The following STXBP5L variants were observed in gnomAD, a reference collection of about 807,000 sequenced individuals.
The protein encoded by STXBP5L is syntaxin-binding protein 5-like.
Under a neutral mutation model 144.5 loss-of-function variants are expected in STXBP5L, and 65 were observed. That is an observed-to-expected ratio of 0.45 (90% CI 0.37 to 0.55). The LOEUF is 0.55. Ranked by LOEUF, STXBP5L falls within the 20% of genes least tolerant of loss-of-function variation. STXBP5L has a pLI of 0.00. For missense variants in STXBP5L, 1,298 were observed against 1,405.5 expected (o/e 0.92, Z 1.22); for synonymous variants, 505 against 469.6 (o/e 1.08, Z -0.97).
intron 3 of STXBP5L, among the ~76,000 whole-genome samples, chr3:120,961,903 A>T (rs954899291): frequency 6.6e-6 from 1 of 151,972 alleles, no homozygotes; most frequent in Non-Finnish European, 1.5e-5. Context: ...GTGTAAATGC[A>T]TTCCTATTTC....
At chr3:121,143,171 C>T (rs1251061295) in intron 7 of STXBP5L, among the ~76,000 whole-genome samples, 1 of 151,124 alleles carries the variant, frequency 6.6e-6, no homozygotes, top group Non-Finnish European at 1.5e-5. Flanking sequence ...AGAAACAGAA[C>T]GTCTAAGAAC....
chr3:121,136,106 C>A (rs899391347), intron 7 of STXBP5L, among the ~76,000 whole-genome samples: 2 of 152,178 alleles, frequency 1.3e-5, no homozygotes, highest in African/African-American at 4.8e-5. Flanking sequence ...GTGCCATTCT[C>A]ATCTTAGTAG....
intron 15 of STXBP5L, among the ~76,000 whole-genome samples, chr3:121,253,809 T>G (rs74434277): frequency 9.8e-6 from 1 of 102,404 alleles, no homozygotes; most frequent in Non-Finnish European, 1.9e-5. Context: ...TTTTTTTTTT[T>G]CTTTTTTTTT....
chr3:121,067,545 G>T (rs2041605496), intron 5 of STXBP5L, among the ~76,000 whole-genome samples: 1 of 152,092 alleles, frequency 6.6e-6, no homozygotes, highest in Non-Finnish European at 1.5e-5. Context: ...TCAGCACATG[G>T]ACAATTTTAG....
chr3:120,962,804 C>T (rs1939023750), intron 3 of STXBP5L, among the ~76,000 whole-genome samples: 1 of 152,168 alleles, frequency 6.6e-6, no homozygotes. Context: ...TTTTCCAATT[C>T]TGTGAAGAAA....
chr3:121,397,497 A>G (rs1485877349), intron 22 of STXBP5L, among the ~76,000 whole-genome samples: 1 of 152,192 alleles, frequency 6.6e-6, no homozygotes, highest in Non-Finnish European at 1.5e-5. Flanking sequence ...AAATTGGCTT[A>G]TCTGTTAATC....
At chr3:120,978,748 G>A (rs933645728) in intron 3 of STXBP5L, among the ~76,000 whole-genome samples, 19 of 152,280 alleles carry the variant, frequency 1.2e-4, no homozygotes, top group Middle Eastern at 3.4e-3. Context: ...CTGTTTGTTA[G>A]TTTTCCTTCT....
At position 121,114,907 on chromosome 3, in the gene STXBP5L, T is replaced by A. The variant is rs2107827898; in HGVS notation, c.471-18T>A. On this transcript the variant is annotated intron_variant, in intron 5 of 26. Coordinates refer to ENST00000471454, the MANE Select transcript of STXBP5L (RefSeq NM_001308330.2). ...ATGTAAAATTTAGATATTTTAATTA[T>A]AATTTTCTTTCTTTCAGAATTACTT... The A allele has an allele frequency of 3.4e-6, 5 of 1,453,012 alleles. No individual in the cohort carries two copies. Among genetic ancestry groups the A allele is most frequent in the East Asian group, 2.6e-5 (1 of 38,788 alleles). The allele number at this position is 1,453,012 out of a possible 1,614,324, so 90.0% of individuals were successfully genotyped here. A position where few individuals can be genotyped will look rare whatever the true frequency, so the allele number is the denominator to read the frequency against.
intron 22 of STXBP5L, among the ~76,000 whole-genome samples, chr3:121,389,900 G>A (rs550837620): frequency 8.5e-5 from 13 of 152,254 alleles, no homozygotes; most frequent in African/African-American, 1.9e-4. Context: ...TGTCTATTAC[G>A]TCTGCTTGTT....
chr3:121,090,058 C>A (rs964339915), intron 5 of STXBP5L, among the ~76,000 whole-genome samples: 1 of 152,092 alleles, frequency 6.6e-6, no homozygotes. Context: ...TGTCATCTTG[C>A]TGCTAGTAAC....
chr3:121,180,452 C>G (rs915924698), intron 9 of STXBP5L, among the ~76,000 whole-genome samples: 2 of 152,164 alleles, frequency 1.3e-5, no homozygotes, highest in South Asian at 2.1e-4. Context: ...AATCTTGAAA[C>G]AAAACCTCAA....
At chr3:120,931,948 C>T (rs1709963275) in intron 2 of STXBP5L, among the ~76,000 whole-genome samples, 1 of 152,184 alleles carries the variant, frequency 6.6e-6, no homozygotes, top group African/African-American at 2.4e-5. Flanking sequence ...ACAATTTGGT[C>T]ATTGTGTGAA....
At chr3:121,297,185 G>A (rs1308288209) in intron 19 of STXBP5L, among the ~76,000 whole-genome samples, 7 of 142,220 alleles carry the variant, frequency 4.9e-5, no homozygotes, top group East Asian at 4.1e-4. Flanking sequence ...AGCAGAATCT[G>A]AATGATTCTA....
intron 24 of STXBP5L, 95 bp from the exon 25 acceptor site, chr3:121,415,762 T>C (rs1576379922): frequency 1.4e-6 from 1 of 697,342 alleles, no homozygotes; most frequent in East Asian, 3.0e-5. Context: ...AGACTGTTTT[T>C]TCATGATGTG....
intron 3 of STXBP5L, among the ~76,000 whole-genome samples, chr3:120,983,388 G>A (rs572220293): frequency 6.6e-6 from 1 of 152,168 alleles, no homozygotes; most frequent in Non-Finnish European, 1.5e-5. Flanking sequence ...TCCCACAGCA[G>A]TGGTGGTGGT....
intron 3 of STXBP5L, among the ~76,000 whole-genome samples, chr3:120,976,043 G>A (rs1390168805): frequency 6.6e-6 from 1 of 152,142 alleles, no homozygotes; most frequent in African/African-American, 2.4e-5. Context: ...TTGGTATCAG[G>A]ATGATGCTGG....
intron 9 of STXBP5L, among the ~76,000 whole-genome samples, chr3:121,189,447 C>G (rs2047544933): frequency 6.6e-6 from 1 of 152,208 alleles, no homozygotes; most frequent in Non-Finnish European, 1.5e-5. Context: ...GATGGCTAGC[C>G]AGATTCCCCA....
At chr3:121,003,771 G>A (rs1943998531) in intron 3 of STXBP5L, among the ~76,000 whole-genome samples, 1 of 152,074 alleles carries the variant, frequency 6.6e-6, no homozygotes, top group Non-Finnish European at 1.5e-5. Context: ...TTCTACATAT[G>A]GCTAGGCAGT....
intron 3 of STXBP5L, among the ~76,000 whole-genome samples, chr3:120,992,698 A>G (rs1043050506): frequency 6.6e-5 from 10 of 152,014 alleles, no homozygotes; most frequent in Admixed American, 6.6e-4. Flanking sequence ...CTTATTATTT[A>G]TCCATTGATG....
Sources: allele counts gnomAD v4.1 joint callset (sites outside exome capture counted in the v4.1 genomes callset), GRCh38; gene constraint gnomAD v4.1.1; transcripts MANE v1.5; gene names NCBI Gene and HGNC (gene_info 2026-07-23, HGNC 2026-07-21).